The following PTPN6 variants were observed in gnomAD, a reference collection of about 807,000 sequenced individuals.
PTPN6 encodes the protein protein tyrosine phosphatase non-receptor type 6.
PTPN6 carries 18 observed loss-of-function variants against 81.5 expected under a neutral mutation model. The ratio of observed to expected loss-of-function variants is 0.22; its 90% confidence interval spans 0.15 to 0.33. PTPN6 has a LOEUF of 0.33. Among genes scored for constraint, PTPN6 ranks in the 10% least tolerant of loss-of-function variants. The pLI, the probability that PTPN6 is intolerant of heterozygous loss-of-function variation, is 1.00. For synonymous variants in PTPN6, 301 were observed against 310.9 expected (o/e 0.97, Z 0.33); for missense variants, 500 against 794.2 (o/e 0.63, Z 4.45).
At position 6,956,288 on chromosome 12, in the gene PTPN6, C is replaced by T. The variant is rs1315023419; in HGVS notation, c.924+67C>T. 2.0e-5 allele frequency: 32 copies of T among 1,609,524 alleles called. No homozygotes were observed. Among genetic ancestry groups the T allele is most frequent in the Non-Finnish European group, 2.6e-5 (31 of 1,175,900 alleles). On this transcript the variant is annotated intron_variant, in intron 8 of 15. Transcript: ENST00000318974. The surrounding 1 kb of genome is among the most constrained non-coding windows in gnomAD (Gnocchi z 4.1). The stretch of plus-strand genomic sequence containing the variant: ...GGAATTCCCTGTCTGGTGGGGGGAC[C>T]CTAGATCCAGAGACAGCTGGGCAAA...
rs1463519087 is a variant in PTPN6, at chr12:6,956,027, C to CA, written c.845-113dup. 9.2e-7 allele frequency: 1 copy of CA among 1,089,612 alleles called. No individual in the cohort carries two copies. The highest frequency in any genetic ancestry group is 1.4e-6 in the Non-Finnish European group (1 of 718,692). The allele number at this position is 1,089,612 out of a possible 1,614,324, so 67.5% of individuals were successfully genotyped here. On this transcript the variant is annotated intron_variant, in intron 7 of 15. Transcript: ENST00000318974. The surrounding 1 kb of genome is among the most constrained non-coding windows in gnomAD (Gnocchi z 4.1). ...CACCCCTGCTGCCCACAGTCCCCCG[C>CA]AAGCCTCATGGCTTCTGAGACCAGA...
chr12:6,949,252 A>C (rs1555147343), upstream of PTPN6, among the ~76,000 whole-genome samples: 1 of 152,162 alleles, frequency 6.6e-6, no homozygotes, highest in Non-Finnish European at 1.5e-5. Context: ...CCCACCTCTC[A>C]GAACAACTTT....
Position 6,961,145 on chromosome 12 carries a change from G to A in PTPN6, c.*45G>A. The stretch of plus-strand genomic sequence containing the variant: ...TGGCAGCCTCAGCCCTGACCCTGTG[G>A]AAGCATTTCGCGATGGACAGACTCA... On this transcript the variant is annotated 3_prime_UTR_variant, in exon 16 of 16. Transcript: ENST00000318974. 1 of 818,126 alleles carries A rather than the reference G, an allele frequency of 1.2e-6. No homozygotes were observed. Among genetic ancestry groups the A allele is most frequent in the Non-Finnish European group, 1.9e-6 (1 of 537,424 alleles). The allele number at this position is 818,126 out of a possible 1,614,324, so 50.7% of individuals were successfully genotyped here.
In PTPN6 at chr12:6,960,265, G is replaced by GC. The variant is rs1555149548; in HGVS notation, c.1581+26_1581+27insC. Reference sequence around the variant, plus strand: ...GTGCGTGCAGAGCAGGGCCTGGGGGGGGGGGGGGCTGCAGTGCAGGATGGG... The same window carrying GC: ...GTGCGTGCAGAGCAGGGCCTGGGGGGCGGGGGGGGCTGCAGTGCAGGATGGG... On this transcript the variant is annotated intron_variant, in intron 13 of 15. Coordinates refer to ENST00000318974, the MANE Select transcript of PTPN6 (RefSeq NM_002831.6). This position sits in a 1 kb window ranked among gnomAD's most constrained non-coding sequence, Gnocchi z 6.1. The GC allele has an allele frequency of 1.9e-5, 30 of 1,607,048 alleles. No individual in the cohort carries two copies. In the South Asian group the frequency reaches 2.9e-4, roughly 15 times the overall value.
chr12:6,953,013 A>G (rs782326467), intron 3 of PTPN6: 3 of 152,222 alleles, frequency 2.0e-5, no homozygotes, highest in Admixed American at 6.5e-5. Flanking sequence ...CCCTGCATTC[A>G]TGGATCGGTT....
At chr12:6,946,857 C>T (rs1945829020), upstream of PTPN6, 2 of 1,186,776 alleles carry the variant, frequency 1.7e-6, no homozygotes, top group Non-Finnish European at 2.5e-6. Context: ...CTGCCCTGCG[C>T]CTGTTTCCGG....
Position 6,959,922 on chromosome 12 carries a change from C to T in PTPN6, c.1362-5C>T. ...GCCTCTGATGGCACCCCCGTCTTTCCCCAGCGCCGGCATCGGCCGCACAGG... is the reference window on the plus strand; with the variant it reads ...GCCTCTGATGGCACCCCCGTCTTTCTCCAGCGCCGGCATCGGCCGCACAGG... On this transcript the variant is annotated splice_region_variant and splice_polypyrimidine_tract_variant and intron_variant, in intron 11 of 15. Coordinates refer to ENST00000318974, the MANE Select transcript of PTPN6 (RefSeq NM_002831.6). The surrounding 1 kb of genome is among the most constrained non-coding windows in gnomAD (Gnocchi z 6.6). 6.2e-7 allele frequency: 1 copy of T among 1,611,102 alleles called. No individual in the cohort carries two copies. The highest frequency in any genetic ancestry group is 8.5e-7 in the Non-Finnish European group (1 of 1,179,828).
Position 6,960,126 on chromosome 12 carries a change from A to C in PTPN6, c.1468A>C (p.Met490Leu). 1 of 1,613,794 alleles carries C rather than the reference A, an allele frequency of 6.2e-7. No individual in the cohort carries two copies. The highest frequency in any genetic ancestry group is 8.5e-7 in the Non-Finnish European group (1 of 1,180,030). ...CDIDIQKTIQMVRAQRSGMVQ... is the reference protein window; with the variant it reads ...CDIDIQKTIQLVRAQRSGMVQ... ...CATTGACATCCAGAAGACCATCCAG[A>C]TGGTGCGGGCGCAGCGCTCGGGCAT... Residue 490 changes from methionine (M) to leucine (L), a missense_variant, in exon 13 of 16, where the codon ATG becomes CTG. By Grantham distance (15) the Met-to-Leu change is conservative (BLOSUM62 2). Transcript: ENST00000318974. This position sits in a 1 kb window ranked among gnomAD's most constrained non-coding sequence, Gnocchi z 6.1.
chr12:6,949,302 A>G (rs140376177), upstream of PTPN6, among the ~76,000 whole-genome samples: 399 of 152,290 alleles, frequency 2.6e-3, 1 homozygote, highest in Admixed American at 4.5e-3. Flanking sequence ...GGCACTGCCC[A>G]TGTGGACTCT....
At position 6,960,259 on chromosome 12, in the gene PTPN6, T is replaced by TGGGG; in HGVS notation, c.1581+31_1581+34dup. The TGGGG allele has an allele frequency of 1.7e-6, 2 of 1,146,922 alleles. No homozygotes were observed. Among genetic ancestry groups the TGGGG allele is most frequent in the African/African-American group, 4.4e-5 (2 of 45,838 alleles). 71.0% of individuals were successfully genotyped at this position (1,146,922 alleles called of 1,614,324 possible). A position where few individuals can be genotyped will look rare whatever the true frequency, so the allele number is the denominator to read the frequency against. ...CTGCAGGTGCGTGCAGAGCAGGGCC[T>TGGGG]GGGGGGGGGGGGGGCTGCAGTGCAG... is the stretch of plus-strand genomic sequence containing the variant. On this transcript the variant is annotated intron_variant, in intron 13 of 15. Coordinates refer to ENST00000318974, the MANE Select transcript of PTPN6 (RefSeq NM_002831.6). The surrounding 1 kb of genome is among the most constrained non-coding windows in gnomAD (Gnocchi z 6.1).
chr12:6,947,301 A>C (rs1045348761), upstream of PTPN6, among the ~76,000 whole-genome samples: 2 of 152,226 alleles, frequency 1.3e-5, no homozygotes, highest in East Asian at 3.8e-4. Flanking sequence ...CTTACATTCC[A>C]GTGGGAGGTT....
At position 6,959,277 on chromosome 12, in the gene PTPN6, T is replaced by TG. The variant is rs1946086354; in HGVS notation, c.1362-647dup. 6.3e-6 allele frequency: 1 copy of TG among 159,160 alleles called. No homozygotes were observed. The highest frequency in any genetic ancestry group is 6.1e-5 in the Admixed American group (1 of 16,398). The allele number at this position is 159,160 out of a possible 1,614,324, so 9.9% of individuals were successfully genotyped here. On this transcript the variant is annotated intron_variant, in intron 11 of 15. Transcript: ENST00000318974. This position sits in a 1 kb window ranked among gnomAD's most constrained non-coding sequence, Gnocchi z 6.6. ...TTATTTAGACGTTACAGGAAGGAAG[T>TG]GGGTGTGGGGGGTTATTTTTGACAA...
Position 6,956,556 on chromosome 12 carries a change from G to A in PTPN6, c.1062G>A (p.Val354=). ...TCATCGTCATGACCACCCGAGAGGT[G>A]GAGAAAGGCCGGGTAGGGCGCCCCC... The part of the protein sequence containing the change: ...SRVIVMTTRE[V]EKGRNKCVPY... The change falls in exon 9 of 16, where the codon GTG becomes GTA. Residue 354 remains valine, a synonymous_variant. Transcript: ENST00000318974. This position sits in a 1 kb window ranked among gnomAD's most constrained non-coding sequence, Gnocchi z 4.1. 2 of 1,613,842 alleles carry A rather than the reference G, an allele frequency of 1.2e-6. No homozygotes were observed. The highest frequency in any genetic ancestry group is 1.7e-6 in the Non-Finnish European group (2 of 1,180,002).
In PTPN6 at chr12:6,957,598, G is replaced by C. The variant is rs1050329125; in HGVS notation, c.1075-56G>C. 1 of 1,597,364 alleles carries C rather than the reference G, an allele frequency of 6.3e-7. No individual in the cohort carries two copies. Among genetic ancestry groups the C allele is most frequent in the African/African-American group, 1.3e-5 (1 of 74,616 alleles). On this transcript the variant is annotated intron_variant, in intron 9 of 15. Coordinates refer to ENST00000318974, the MANE Select transcript of PTPN6 (RefSeq NM_002831.6). This position sits in a 1 kb window ranked among gnomAD's most constrained non-coding sequence, Gnocchi z 6.5. ...ACTCAGAACATAGAGCAGGACCTGG[G>C]ATGGGCCACAGTGCCCTGCTCTGTG...
upstream of PTPN6, among the ~76,000 whole-genome samples, chr12:6,948,512 AAG>A (rs1232136770): frequency 3.3e-5 from 5 of 151,664 alleles, no homozygotes; most frequent in Non-Finnish European, 4.4e-5. Flanking sequence ...AAAAAAAGGA[AAG>A]AGCGAGAAAG....
In PTPN6 at chr12:6,951,402, G is replaced by A. The variant is rs1945921200; in HGVS notation, c.-111G>A. Reference sequence around the variant, plus strand: ...CTGGGACCACCGGGGGTGGTGAGGCGGCCCGGCACTGGGAGCTGCATCTGA... The same window carrying A: ...CTGGGACCACCGGGGGTGGTGAGGCAGCCCGGCACTGGGAGCTGCATCTGA... On this transcript the variant is annotated 5_prime_UTR_variant, in exon 1 of 16. Transcript: ENST00000318974. The surrounding 1 kb of genome is among the most constrained non-coding windows in gnomAD (Gnocchi z 7.2). 7.1e-6 allele frequency: 11 copies of A among 1,550,388 alleles called. No individual in the cohort carries two copies. The highest frequency in any genetic ancestry group is 4.1e-5 in the African/African-American group (3 of 73,202).
chr12:6,960,482 G>T lies in PTPN6; in HGVS notation c.1673+47G>T. On this transcript the variant is annotated intron_variant, in intron 14 of 15. Transcript: ENST00000318974. This position sits in a 1 kb window ranked among gnomAD's most constrained non-coding sequence, Gnocchi z 6.1. ...TGCCCGGCATCCACCCCTTTGTCCT[G>T]CCCAGCCCGATCCTCACTTTCTGGA... The T allele has an allele frequency of 6.3e-7, 1 of 1,581,808 alleles. No individual in the cohort carries two copies.
Position 6,957,964 on chromosome 12 carries a change from C to G in PTPN6, c.1252C>G (p.Pro418Ala). The change falls in exon 11 of 16, where the codon CCC becomes GCC. Residue 418 changes from proline to alanine, a missense_variant. Physicochemically the swap from Pro to Ala is conservative, Grantham distance 27. Coordinates refer to ENST00000318974, the MANE Select transcript of PTPN6 (RefSeq NM_002831.6). The surrounding 1 kb of genome is among the most constrained non-coding windows in gnomAD (Gnocchi z 6.5). Reference protein sequence around the residue: ...EIWHYQYLSWPDHGVPSEPGG... With the variant: ...EIWHYQYLSWADHGVPSEPGG... The stretch of plus-strand genomic sequence containing the variant: ...CTGGCATTACCAGTACCTGAGCTGG[C>G]CCGACCATGGGGTCCCCAGTGAGCC... The G allele has an allele frequency of 6.2e-7, 1 of 1,613,882 alleles. No homozygotes were observed. The highest frequency in any genetic ancestry group is 8.5e-7 in the Non-Finnish European group (1 of 1,180,038).
At position 6,955,551 on chromosome 12, in the gene PTPN6, G is replaced by A. The variant is rs187349009; in HGVS notation, c.747+66G>A. 2.2e-3 allele frequency: 3,367 copies of A among 1,565,682 alleles called. 4 individuals are homozygous for A. Among genetic ancestry groups the A allele is most frequent in the Non-Finnish European group, 2.7e-3 (3,104 of 1,137,268 alleles). On this transcript the variant is annotated intron_variant, in intron 6 of 15. Coordinates refer to ENST00000318974, the MANE Select transcript of PTPN6 (RefSeq NM_002831.6). The surrounding 1 kb of genome is among the most constrained non-coding windows in gnomAD (Gnocchi z 7.2). ...GTGGCAGCGGCCTGGGGCCCCAGGCGGACACCTTCCCCTCCTTGCCCACCT... is the reference window on the plus strand; with the variant it reads ...GTGGCAGCGGCCTGGGGCCCCAGGCAGACACCTTCCCCTCCTTGCCCACCT...
Sources: gnomAD v4.1 joint callset for allele counts (sites outside exome capture counted in the v4.1 genomes callset) on GRCh38, gnomAD v4.1.1 for gene constraint, Gnocchi (gnomAD v3.1) non-coding constraint, MANE v1.5 for transcripts, NCBI Gene and HGNC (gene_info 2026-07-23, HGNC 2026-07-21) for gene names.